DPP6: variants seen among roughly 807,000 people sequenced by gnomAD.
The protein encoded by DPP6 is dipeptidyl peptidase like 6.
A neutral mutation model predicts 122.6 loss-of-function variants in DPP6; 69 were observed. That is an observed-to-expected ratio of 0.56 (90% confidence interval 0.46 to 0.69). The LOEUF (loss-of-function observed/expected upper bound fraction) is 0.69. DPP6 is among the 30% of genes least tolerant of loss of function. The pLI is 0.00. For missense variants in DPP6, 928 were observed against 1,116.9 expected, an observed-to-expected ratio of 0.83 and a Z score of 2.41; for synonymous variants, 418 against 433.1, an observed-to-expected ratio of 0.97 and a Z score of 0.43.
At chr7:154,753,322 C>T (rs550721450) in intron 8 of DPP6, among the ~76,000 whole-genome samples, 1 of 152,218 alleles carries the variant, frequency 6.6e-6, no homozygotes, top group Non-Finnish European at 1.5e-5. Context: ...ATTATTTACT[C>T]GAAAGCAGTG....
rs186319110 is a variant in DPP6 at position 154,739,228 on chromosome 7, G to A, written c.883+11341G>A. On this transcript the variant is annotated intron_variant, in intron 8 of 25. Coordinates refer to ENST00000377770, the MANE Select transcript of DPP6 (RefSeq NM_130797.4). ...GAGCCATTGTCCAGAAGAGGGGGAG[G>A]CCAGACATGTCTGGGAGGCAGGACT... Among the ~76,000 whole-genome samples the A allele has an allele frequency of 6.5e-4, 99 of 152,304 alleles. 1 individual carries two copies. The highest frequency in any genetic ancestry group is 6.0e-3 in the Admixed American group (92 of 15,304).
chr7:154,406,900 A>G (rs890221355), intron 1 of DPP6, among the ~76,000 whole-genome samples: 12 of 152,226 alleles, frequency 7.9e-5, no homozygotes, highest in Non-Finnish European at 1.3e-4. Flanking sequence ...ATCTGTTCCC[A>G]GCAAAAAGGA....
chr7:153,833,449 G>A, the DPP6 span, among the ~76,000 whole-genome samples: 12 of 152,154 alleles, frequency 7.9e-5, no homozygotes, highest in African/African-American at 1.9e-4. Context: ...TGAGGCGGGC[G>A]GATCACTTGA....
intron 2 of DPP6, among the ~76,000 whole-genome samples, chr7:154,455,992 A>T (rs569806762): frequency 6.6e-6 from 1 of 152,136 alleles, no homozygotes; most frequent in South Asian, 2.1e-4. Flanking sequence ...GCTGGCTCCT[A>T]TATTAGTTGC....
chr7:153,860,876 C>T, the DPP6 span, among the ~76,000 whole-genome samples: 3 of 152,270 alleles, frequency 2.0e-5, no homozygotes, highest in South Asian at 6.2e-4. Flanking sequence ...CACACAAATA[C>T]ACACCTAGTA....
At chr7:154,479,459 A>G (rs561502828) in intron 3 of DPP6, among the ~76,000 whole-genome samples, 21 of 151,654 alleles carry the variant, frequency 1.4e-4, no homozygotes, top group African/African-American at 4.6e-4. Context: ...TCGGGAGGCT[A>G]AGGCAGCAGA....
At chr7:154,165,685 T>TA (rs1429346046) in intron 1 of DPP6, among the ~76,000 whole-genome samples, 1 of 152,026 alleles carries the variant, frequency 6.6e-6, no homozygotes, top group African/African-American at 2.4e-5. Flanking sequence ...CCTGACTTTT[T>TA]AATGACTGCC....
intron 3 of DPP6, among the ~76,000 whole-genome samples, chr7:154,480,649 G>A (rs1219997600): frequency 6.6e-6 from 1 of 152,056 alleles, no homozygotes; most frequent in African/African-American, 2.4e-5. Flanking sequence ...TCTCCCTCCA[G>A]TCTTATAGTT....
the DPP6 span, among the ~76,000 whole-genome samples, chr7:153,824,111 G>C: frequency 6.6e-6 from 1 of 152,148 alleles, no homozygotes; most frequent in Non-Finnish European, 1.5e-5. Flanking sequence ...TATTGGGGTT[G>C]GGCGCGGTGG....
At chr7:154,892,150 G>A (rs1019990839) in intron 25 of DPP6, among the ~76,000 whole-genome samples, 184 bp from the exon 26 acceptor site, 67 of 152,220 alleles carry the variant, frequency 4.4e-4, no homozygotes, top group African/African-American at 1.4e-3. Flanking sequence ...GGGACAGCCA[G>A]GCAGATCTCC....
intron 3 of DPP6, among the ~76,000 whole-genome samples, chr7:154,478,221 TC>T (rs1227579811): frequency 3.3e-5 from 5 of 152,190 alleles, no homozygotes; most frequent in Non-Finnish European, 7.3e-5. Context: ...TAGGATTATC[TC>T]ATGTTGTAGA....
chr7:154,724,429 C>T (rs1309623275), intron 7 of DPP6, among the ~76,000 whole-genome samples: 1 of 152,202 alleles, frequency 6.6e-6, no homozygotes, highest in Non-Finnish European at 1.5e-5. Context: ...GTCTCAATGG[C>T]TGATCCTTCT....
chr7:154,874,137 T>C (rs1161686111), intron 19 of DPP6, among the ~76,000 whole-genome samples: 3 of 143,508 alleles, frequency 2.1e-5, no homozygotes, highest in Admixed American at 6.9e-5. Context: ...ACCCCACACA[T>C]GTGCACACAC....
At chr7:153,912,081 C>T (rs1800114014) in intron 1 of DPP6, among the ~76,000 whole-genome samples, 1 of 152,070 alleles carries the variant, frequency 6.6e-6, no homozygotes, top group African/African-American at 2.4e-5. Flanking sequence ...TCTGAGGCAC[C>T]ATCCCACAAA....
chr7:154,679,440 G>A (rs1159742843), intron 7 of DPP6, among the ~76,000 whole-genome samples: 3 of 152,100 alleles, frequency 2.0e-5, no homozygotes, highest in East Asian at 1.9e-4. Flanking sequence ...GCCTGCATCC[G>A]GTCCGCAGTT....
chr7:154,743,473 AAG>A (rs1366195405), intron 8 of DPP6, among the ~76,000 whole-genome samples: 3 of 152,198 alleles, frequency 2.0e-5, no homozygotes, highest in Non-Finnish European at 4.4e-5. Flanking sequence ...GGTGTTAGGA[AAG>A]AGAGAAAGTC....
intron 1 of DPP6, among the ~76,000 whole-genome samples, chr7:153,905,817 G>T (rs956549422): frequency 6.6e-6 from 1 of 152,198 alleles, no homozygotes; most frequent in African/African-American, 2.4e-5. Flanking sequence ...GAGCAATGGG[G>T]AGGACCAACA....
In DPP6 at chr7:154,224,968, C is replaced by A. The variant is rs571078787; in HGVS notation, c.243+171905C>A. On this transcript the variant is annotated intron_variant, in intron 1 of 25. Coordinates refer to ENST00000377770, the MANE Select transcript of DPP6 (RefSeq NM_130797.4). The stretch of plus-strand genomic sequence containing the variant: ...GACCAACCTGGCCAACATGGTGAAC[C>A]CCGTCTCTACTGAAAATACAAAAAT... Among the ~76,000 whole-genome samples, 17 of 152,138 alleles carry A rather than the reference C, an allele frequency of 1.1e-4. No individual in the cohort carries two copies. In the East Asian group the frequency reaches 3.3e-3, roughly 29 times the overall value.
intron 2 of DPP6, among the ~76,000 whole-genome samples, chr7:154,452,535 T>A (rs1267562699): frequency 6.6e-6 from 1 of 152,206 alleles, no homozygotes; most frequent in Non-Finnish European, 1.5e-5. Flanking sequence ...TGTGCTTTTT[T>A]AAAAAAATAG....
Sources: allele counts gnomAD v4.1 joint callset (sites outside exome capture counted in the v4.1 genomes callset), GRCh38; gene constraint gnomAD v4.1.1; transcripts MANE v1.5; gene names NCBI Gene and HGNC (gene_info 2026-07-23, HGNC 2026-07-21).